The following PIGL variants were observed in gnomAD, a reference collection of about 807,000 sequenced individuals.
PIGL encodes the protein N-acetylglucosaminyl-phosphatidylinositol de-N-acetylase.
PIGL carries 22 observed loss-of-function variants against 31.1 expected under a neutral mutation model. The observed-to-expected ratio is 0.71, with a 90% CI of 0.51 to 1.01. The LOEUF is 1.01. PIGL is among the 50% of genes least tolerant of loss of function. PIGL has a pLI of 0.00. For synonymous variants in PIGL, 131 were observed against 117.4 expected, an observed-to-expected ratio of 1.12 and a Z score of -0.75; for missense variants, 302 against 315.9, an observed-to-expected ratio of 0.96 and a Z score of 0.33.
At chr17:16,225,379 G>A (rs1265369162) in intron 1 of PIGL, among the ~76,000 whole-genome samples, 2 of 133,410 alleles carry the variant, frequency 1.5e-5, no homozygotes, top group African/African-American at 5.7e-5. Flanking sequence ...ATGTAAGCAC[G>A]TTTCTTTTTT....
At chr17:16,300,107 C>T (rs1170341234) in intron 3 of PIGL, 129 bp downstream of exon 3, 11 of 669,302 alleles carry the variant, frequency 1.6e-5, no homozygotes, top group Non-Finnish European at 2.4e-5. Context: ...TCTAAGGAGG[C>T]CAGAACTTCC....
At chr17:16,274,059 A>G (rs746516314) in intron 2 of PIGL, among the ~76,000 whole-genome samples, 3 of 152,304 alleles carry the variant, frequency 2.0e-5, no homozygotes, top group South Asian at 2.1e-4. Context: ...CCAGATCATC[A>G]GGGCTTCTAG....
At chr17:16,285,325 G>A (rs1015130928) in intron 2 of PIGL, among the ~76,000 whole-genome samples, 8 of 152,214 alleles carry the variant, frequency 5.3e-5, no homozygotes, top group Non-Finnish European at 1.2e-4. Context: ...GGTGGCTCAA[G>A]CCTGTAATCC....
intron 2 of PIGL, among the ~76,000 whole-genome samples, chr17:16,263,075 A>C (rs556946040): frequency 4.2e-4 from 46 of 109,024 alleles, no homozygotes; most frequent in African/African-American, 1.5e-3. Context: ...AATGGGGTTT[A>C]TTATAATATG....
intron 1 of PIGL, among the ~76,000 whole-genome samples, chr17:16,225,274 T>C (rs1418456464): frequency 6.6e-6 from 1 of 152,136 alleles, no homozygotes; most frequent in African/African-American, 2.4e-5. Flanking sequence ...TTCTAATAAT[T>C]CCAGTTTCTG....
At chr17:16,286,017 C>A (rs573008305) in intron 2 of PIGL, among the ~76,000 whole-genome samples, 2 of 152,368 alleles carry the variant, frequency 1.3e-5, no homozygotes, top group African/African-American at 2.4e-5. Context: ...CCAGGTTAGG[C>A]TTCCACGTCC....
At chr17:16,313,045 A>C (rs1465507269) in intron 3 of PIGL, among the ~76,000 whole-genome samples, 1 of 152,212 alleles carries the variant, frequency 6.6e-6, no homozygotes, top group Non-Finnish European at 1.5e-5. Flanking sequence ...ATATTGATAT[A>C]GCTGTGAAAA....
intron 4 of PIGL, among the ~76,000 whole-genome samples, chr17:16,314,001 C>T (rs1465201177): frequency 1.3e-5 from 2 of 152,182 alleles, no homozygotes; most frequent in East Asian, 1.9e-4. Flanking sequence ...CCACCTTCAC[C>T]ATCTTCTTCC....
At chr17:16,275,057 AGTAAAGGAAT>A (rs2092889086) in intron 2 of PIGL, among the ~76,000 whole-genome samples, 1 of 152,024 alleles carries the variant, frequency 6.6e-6, no homozygotes, top group African/African-American at 2.4e-5. Context: ...AAAGAAAGAA[AGTAAAGGAAT>A]AAAGAATGGC....
intron 2 of PIGL, among the ~76,000 whole-genome samples, chr17:16,245,881 A>T (rs887030476): frequency 3.3e-5 from 5 of 151,078 alleles, no homozygotes; most frequent in African/African-American, 1.2e-4. Context: ...GTGCAGTGGC[A>T]CAATCTCAGC....
At chr17:16,305,261 C>A (rs1600847355) in intron 3 of PIGL, among the ~76,000 whole-genome samples, 1 of 152,196 alleles carries the variant, frequency 6.6e-6, no homozygotes, top group South Asian at 2.1e-4. Flanking sequence ...CACTGCACTG[C>A]AGCCTAGGTG....
At chr17:16,217,629 ACCTGGTGGG>A in intron 1 of PIGL, 168 bp downstream of exon 1, 2 of 547,584 alleles carry the variant, frequency 3.7e-6, no homozygotes, top group Admixed American at 3.4e-5. Context: ...CGGCCGGCTT[ACCTGGTGGG>A]TTGGGGGACG....
intron 6 of PIGL, 78 bp from the exon 7 acceptor site, chr17:16,325,722 G>A (rs2093124660): frequency 9.7e-7 from 1 of 1,031,128 alleles, no homozygotes; most frequent in East Asian, 2.4e-5. Context: ...AGGATTTAAG[G>A]TGCGGAGGCC....
At chr17:16,317,309 G>T (rs1466575228) in intron 5 of PIGL, 3 of 998,488 alleles carry the variant, frequency 3.0e-6, no homozygotes, top group Non-Finnish European at 3.6e-6. Flanking sequence ...TAGTTTGTTT[G>T]ATTCTTATAT....
At chr17:16,316,537 A>T in intron 4 of PIGL, 144 bp from the exon 5 acceptor site, 2 of 711,966 alleles carry the variant, frequency 2.8e-6, no homozygotes, top group Non-Finnish European at 4.5e-6. Context: ...GGAAATCTAT[A>T]CAGTGATTTA....
At chr17:16,258,100 AGAAAG>A (rs2092803141) in intron 2 of PIGL, among the ~76,000 whole-genome samples, 9 of 123,210 alleles carry the variant, frequency 7.3e-5, no homozygotes, top group Non-Finnish European at 1.0e-4. Flanking sequence ...AGAGAGAGAG[AGAAAG>A]AGAGAGAGAG....
intron 2 of PIGL, among the ~76,000 whole-genome samples, chr17:16,240,611 C>T (rs1199413963): frequency 6.6e-6 from 1 of 152,082 alleles, no homozygotes; most frequent in Non-Finnish European, 1.5e-5. Flanking sequence ...AGGGATCCTT[C>T]CACCTCAGCC....
intron 1 of PIGL, among the ~76,000 whole-genome samples, chr17:16,220,279 C>T (rs1476618513): frequency 2.6e-5 from 4 of 151,750 alleles, no homozygotes; most frequent in Non-Finnish European, 5.9e-5. Context: ...ACCCAGGAGG[C>T]GGAGGTTACA....
intron 1 of PIGL, among the ~76,000 whole-genome samples, chr17:16,223,846 A>T (rs2092640092): frequency 6.6e-6 from 1 of 152,116 alleles, no homozygotes; most frequent in African/African-American, 2.4e-5. Flanking sequence ...CAGCTCTCAT[A>T]TATCAGATTT....
Sources: gnomAD v4.1 joint callset for allele counts (sites outside exome capture counted in the v4.1 genomes callset) on GRCh38, gnomAD v4.1.1 for gene constraint, MANE v1.5 for transcripts, NCBI Gene and HGNC (gene_info 2026-07-23, HGNC 2026-07-21) for gene names.